The following MARCHF3 variants were observed in gnomAD, a reference collection of about 807,000 sequenced individuals.
MARCHF3 encodes the protein E3 ubiquitin-protein ligase MARCHF3.
Under a neutral mutation model 24.2 loss-of-function variants are expected in MARCHF3, and 13 were observed. The ratio of observed to expected loss-of-function variants is 0.54; its 90% CI spans 0.35 to 0.85. The LOEUF (loss-of-function observed/expected upper bound fraction) is 0.85. Among genes scored for constraint, MARCHF3 ranks in the 40% least tolerant of loss-of-function variants. MARCHF3 has a pLI of 0.01. For synonymous variants in MARCHF3, 144 were observed against 137.3 expected (o/e 1.05, Z -0.34); for missense variants, 276 against 325.0 (o/e 0.85, Z 1.16).
At chr5:126,983,440 A>T (rs1162133317) in intron 1 of MARCHF3, among the ~76,000 whole-genome samples, 3 of 152,170 alleles carry the variant, frequency 2.0e-5, no homozygotes, top group Non-Finnish European at 4.4e-5. Context: ...CATGTATCAG[A>T]AACAGGGACA....
chr5:127,016,924 C>CTTTT (rs1752652582), intron 1 of MARCHF3, among the ~76,000 whole-genome samples: 1 of 152,168 alleles, frequency 6.6e-6, no homozygotes, highest in South Asian at 2.1e-4. Context: ...CCATGGAATA[C>CTTTT]TATGCAGCCA....
chr5:126,968,734 C>G (rs1750899714), intron 1 of MARCHF3, among the ~76,000 whole-genome samples: 1 of 152,068 alleles, frequency 6.6e-6, no homozygotes, highest in African/African-American at 2.4e-5. Context: ...CCCAGCAAGC[C>G]CAGCTAATTT....
At chr5:126,892,324 T>A (rs891483264) in intron 3 of MARCHF3, among the ~76,000 whole-genome samples, 1 of 150,662 alleles carries the variant, frequency 6.6e-6, no homozygotes, top group Non-Finnish European at 1.5e-5. Context: ...TCCAACACTA[T>A]GTTGAATAGG....
intron 3 of MARCHF3, among the ~76,000 whole-genome samples, chr5:126,893,293 G>C (rs1269284589): frequency 6.6e-6 from 1 of 151,222 alleles, no homozygotes; most frequent in South Asian, 2.1e-4. Context: ...ATTTCCTTCA[G>C]TTCTGCTCTG....
chr5:126,982,628 G>A (rs1751429063), intron 1 of MARCHF3, among the ~76,000 whole-genome samples: 1 of 152,124 alleles, frequency 6.6e-6, no homozygotes, highest in Admixed American at 6.5e-5. Flanking sequence ...GACAAGCAAG[G>A]GCTTTCACAT....
chr5:126,977,678 T>G (rs1481975355), intron 1 of MARCHF3, among the ~76,000 whole-genome samples: 4 of 152,202 alleles, frequency 2.6e-5, no homozygotes, highest in Non-Finnish European at 5.9e-5. Flanking sequence ...CTCATATAAG[T>G]GTGCAATATA....
rs140469467 is a variant in MARCHF3, at chr5:126,943,222, A to C, written c.-56-24995T>G. Reference sequence around the variant, plus strand: ...GTCAGAAGAATCACTTGAACCCAGGAGGTAGAGGTTGCAGTGAGCCGAGAT... The same window carrying C: ...GTCAGAAGAATCACTTGAACCCAGGCGGTAGAGGTTGCAGTGAGCCGAGAT... On this transcript the variant is annotated intron_variant, in intron 1 of 4. Coordinates refer to ENST00000308660, the MANE Select transcript of MARCHF3 (RefSeq NM_178450.5). Among the ~76,000 whole-genome samples the C allele has an allele frequency of 5.3e-5, 8 of 152,290 alleles. No homozygotes were observed. In the East Asian group the frequency reaches 1.5e-3, roughly 29 times the overall value.
intron 1 of MARCHF3, among the ~76,000 whole-genome samples, chr5:126,957,374 T>C (rs1387549751): frequency 2.0e-5 from 3 of 152,178 alleles, no homozygotes; most frequent in Non-Finnish European, 2.9e-5. Flanking sequence ...GCTTTAGAAG[T>C]TAAACCTATC....
intron 1 of MARCHF3, among the ~76,000 whole-genome samples, chr5:126,968,005 T>C (rs2126827077): frequency 6.6e-6 from 1 of 152,284 alleles, no homozygotes; most frequent in East Asian, 1.9e-4. Context: ...GGGCAACCAC[T>C]AATCAACTTT....
chr5:126,882,541 C>G (rs1165729660), intron 3 of MARCHF3, among the ~76,000 whole-genome samples: 1 of 152,172 alleles, frequency 6.6e-6, no homozygotes, highest in Non-Finnish European at 1.5e-5. Flanking sequence ...TGTCTTCTAC[C>G]TTTCTTATCA....
intron 1 of MARCHF3, among the ~76,000 whole-genome samples, chr5:126,964,294 G>A (rs561628192): frequency 3.3e-4 from 51 of 152,298 alleles, no homozygotes; most frequent in Admixed American, 2.9e-3. Context: ...ATGTCACAAG[G>A]CTGGTTCATC....
chr5:126,904,640 C>T (rs111306590), intron 3 of MARCHF3, among the ~76,000 whole-genome samples: 8,644 of 142,746 alleles, frequency 0.061, 695 homozygotes, highest in African/African-American at 0.19. Flanking sequence ...TCATGTCCTT[C>T]GCCCACTTTT....
At chr5:126,883,006 G>A (rs1313676699) in intron 3 of MARCHF3, among the ~76,000 whole-genome samples, 2 of 152,188 alleles carry the variant, frequency 1.3e-5, no homozygotes, top group Non-Finnish European at 2.9e-5. Context: ...GGGTCAGGAA[G>A]TAGCTGGATG....
chr5:127,023,357 C>T (rs1752873503), intron 1 of MARCHF3, among the ~76,000 whole-genome samples: 1 of 152,050 alleles, frequency 6.6e-6, no homozygotes, highest in African/African-American at 2.4e-5. Flanking sequence ...CAGTTCAAAC[C>T]TGTACAGTTG....
chr5:126,947,254 T>C (rs1750056898), intron 1 of MARCHF3, among the ~76,000 whole-genome samples: 1 of 152,188 alleles, frequency 6.6e-6, no homozygotes, highest in African/African-American at 2.4e-5. Flanking sequence ...ACCAATGATG[T>C]TTTTTAAAGC....
intron 1 of MARCHF3, among the ~76,000 whole-genome samples, chr5:126,961,439 G>A (rs1750633368): frequency 6.6e-6 from 1 of 152,012 alleles, no homozygotes; most frequent in Non-Finnish European, 1.5e-5. Flanking sequence ...ACCACCATAA[G>A]GCTGATGAAA....
intron 2 of MARCHF3, among the ~76,000 whole-genome samples, chr5:126,917,080 C>T (rs1748888446): frequency 6.6e-6 from 1 of 152,176 alleles, no homozygotes; most frequent in Non-Finnish European, 1.5e-5. Context: ...GAGGGGTTGA[C>T]TGATCACTCA....
chr5:126,982,193 C>T (rs924791100), intron 1 of MARCHF3, among the ~76,000 whole-genome samples: 9 of 152,222 alleles, frequency 5.9e-5, no homozygotes, highest in African/African-American at 2.2e-4. Flanking sequence ...TATCTCCCGC[C>T]TCCCCAGCTT....
chr5:127,001,094 C>T (rs925153501), intron 1 of MARCHF3, among the ~76,000 whole-genome samples: 8 of 151,540 alleles, frequency 5.3e-5, no homozygotes, highest in African/African-American at 1.7e-4. Context: ...AAAAATTAGC[C>T]GGGCATGCTG....
Sources: allele counts gnomAD v4.1 joint callset (sites outside exome capture counted in the v4.1 genomes callset), GRCh38; gene constraint gnomAD v4.1.1; transcripts MANE v1.5; gene names NCBI Gene and HGNC (gene_info 2026-07-23, HGNC 2026-07-21).